KCNK1: variants seen among roughly 807,000 people sequenced by gnomAD.
KCNK1 encodes the protein potassium channel subfamily K member 1.
A neutral mutation model predicts 22.2 loss-of-function variants in KCNK1; 10 were observed. That is an observed-to-expected ratio of 0.45 (90% CI 0.28 to 0.76). The LOEUF is 0.76. Ranked by LOEUF, KCNK1 falls within the 30% of genes least tolerant of loss-of-function variation. KCNK1 has a pLI of 0.14. For missense variants in KCNK1, 378 were observed against 421.0 expected (o/e 0.90, Z 0.89); for synonymous variants, 200 against 186.4 (o/e 1.07, Z -0.60).
chr1:233,624,193 CGTCTGAATAGA>C lies in KCNK1; in HGVS notation c.355+9675_355+9685del, dbSNP rs1657645645. 2.6e-5 allele frequency: 4 copies of C among 153,920 alleles called. No homozygotes were observed. The Admixed American group carries it at 2.6e-4, about 10-fold the overall frequency. 9.5% of individuals were successfully genotyped at this position (153,920 alleles called of 1,614,324 possible). ...TATTTAGACAATGGTTTCATCATTT[CGTCTGAATAGA>C]GTCTGAAGAGTCTTTGGTGGAAGTA... On this transcript the variant is annotated intron_variant, in intron 1 of 2. Transcript: ENST00000366621.
intron 1 of KCNK1, among the ~76,000 whole-genome samples, chr1:233,653,785 A>T (rs1415395880): frequency 1.3e-5 from 2 of 151,990 alleles, no homozygotes; most frequent in Non-Finnish European, 2.9e-5. Context: ...GGCTTCCGTA[A>T]TTGGATAAGC....
intron 1 of KCNK1, among the ~76,000 whole-genome samples, chr1:233,617,723 T>C (rs1043027147): frequency 3.9e-5 from 6 of 152,202 alleles, no homozygotes; most frequent in African/African-American, 1.2e-4. Flanking sequence ...CAGTGAGCTA[T>C]GATTGCACCA....
chr1:233,639,606 T>C (rs7555543), intron 1 of KCNK1, among the ~76,000 whole-genome samples: 42,065 of 151,976 alleles, frequency 0.28, 5,783 homozygotes, highest in Middle Eastern at 0.31. Context: ...TCTTTCTATA[T>C]TTGTGTCAAA....
intron 1 of KCNK1, among the ~76,000 whole-genome samples, chr1:233,625,156 G>A (rs763040438): frequency 1.3e-5 from 2 of 152,168 alleles, no homozygotes; most frequent in South Asian, 2.1e-4. Context: ...AGTATAAACA[G>A]GTGTGTAAAA....
chr1:233,644,578 C>T (rs747507953), intron 1 of KCNK1, among the ~76,000 whole-genome samples: 23 of 152,198 alleles, frequency 1.5e-4, no homozygotes, highest in African/African-American at 3.9e-4. Context: ...GGAAGGGTGA[C>T]CAGAAAGCCT....
chr1:233,627,577 C>T (rs1358394083), intron 1 of KCNK1, among the ~76,000 whole-genome samples: 2 of 150,604 alleles, frequency 1.3e-5, no homozygotes, highest in African/African-American at 4.9e-5. Flanking sequence ...AACAGTCTGT[C>T]GCCCACGGGC....
intron 1 of KCNK1, among the ~76,000 whole-genome samples, chr1:233,624,749 G>T: frequency 6.6e-6 from 1 of 152,088 alleles, no homozygotes; most frequent in East Asian, 1.9e-4. Flanking sequence ...ATGATATCTG[G>T]GGGGCCTCAT....
chr1:233,634,685 T>C (rs1487991181), intron 1 of KCNK1, among the ~76,000 whole-genome samples: 1 of 152,236 alleles, frequency 6.6e-6, no homozygotes, highest in Non-Finnish European at 1.5e-5. Context: ...CTTTATTAAG[T>C]GCCCTGGTTA....
At chr1:233,655,345 T>A (rs1164884530) in intron 1 of KCNK1, among the ~76,000 whole-genome samples, 3 of 152,180 alleles carry the variant, frequency 2.0e-5, no homozygotes, top group African/African-American at 7.2e-5. Flanking sequence ...TCAGAATGAA[T>A]CATACCTTGC....
intron 1 of KCNK1, among the ~76,000 whole-genome samples, chr1:233,625,360 C>A (rs1202129626): frequency 1.3e-5 from 2 of 152,048 alleles, no homozygotes; most frequent in Non-Finnish European, 2.9e-5. Context: ...ATTTCATTGG[C>A]CAGTTTTACA....
At chr1:233,616,330 T>G (rs538897019) in intron 1 of KCNK1, among the ~76,000 whole-genome samples, 5 of 152,328 alleles carry the variant, frequency 3.3e-5, no homozygotes, top group African/African-American at 1.2e-4. Flanking sequence ...CTGGGTGGGA[T>G]TTTTCGTGAC....
At chr1:233,642,843 A>G (rs1257290189) in intron 1 of KCNK1, among the ~76,000 whole-genome samples, 1 of 151,304 alleles carries the variant, frequency 6.6e-6, no homozygotes, top group African/African-American at 2.4e-5. Context: ...ATCTAGGCTC[A>G]CTGCAACCAC....
chr1:233,635,896 T>C (rs988840441), intron 1 of KCNK1, among the ~76,000 whole-genome samples: 23 of 152,360 alleles, frequency 1.5e-4, no homozygotes, highest in African/African-American at 4.8e-4. Flanking sequence ...AAGGTTTGCA[T>C]TGAAGAGAAC....
chr1:233,644,047 A>G (rs556278016), intron 1 of KCNK1, among the ~76,000 whole-genome samples: 1 of 152,274 alleles, frequency 6.6e-6, no homozygotes, highest in South Asian at 2.1e-4. Context: ...CCACTGGGTG[A>G]TTTATAAAAA....
At chr1:233,636,743 A>G (rs1250776915) in intron 1 of KCNK1, among the ~76,000 whole-genome samples, 1 of 67,050 alleles carries the variant, frequency 1.5e-5, no homozygotes, top group Non-Finnish European at 2.9e-5. Context: ...ATGTCATAGG[A>G]AAAACAGGTG....
At chr1:233,644,833 C>T (rs1658063713) in intron 1 of KCNK1, among the ~76,000 whole-genome samples, 1 of 152,194 alleles carries the variant, frequency 6.6e-6, no homozygotes, top group South Asian at 2.1e-4. Context: ...TTCTGTAACC[C>T]ATTTCAAGAA....
intron 1 of KCNK1, among the ~76,000 whole-genome samples, chr1:233,644,654 A>G (rs1225727800): frequency 2.0e-5 from 3 of 149,378 alleles, no homozygotes; most frequent in African/African-American, 7.7e-5. Context: ...TGTAAGACTG[A>G]GTGCAGAAGG....
chr1:233,617,822 C>T lies in KCNK1; in HGVS notation c.355+3296C>T, dbSNP rs770044823. On this transcript the variant is annotated intron_variant, in intron 1 of 2. Coordinates refer to ENST00000366621, the MANE Select transcript of KCNK1 (RefSeq NM_002245.4). The stretch of plus-strand genomic sequence containing the variant: ...CGGAGTGATGGCGTGTGCCTGTAGT[C>T]CCAGCTACCTAGAAGGCTGAGGCAT... Among the ~76,000 whole-genome samples the T allele has an allele frequency of 2.0e-5, 3 of 152,152 alleles. No homozygotes were observed. In the South Asian group the frequency reaches 6.2e-4, roughly 32 times the overall value.
intron 1 of KCNK1, among the ~76,000 whole-genome samples, chr1:233,616,111 C>T (rs920192770): frequency 6.6e-6 from 1 of 152,174 alleles, no homozygotes; most frequent in African/African-American, 2.4e-5. Context: ...CCATGCCTTT[C>T]CTTTGGAGTA....
Sources: gnomAD v4.1 joint callset for allele counts (sites outside exome capture counted in the v4.1 genomes callset) on GRCh38, gnomAD v4.1.1 for gene constraint, MANE v1.5 for transcripts, NCBI Gene and HGNC (gene_info 2026-07-23, HGNC 2026-07-21) for gene names.